The following PIK3C3 variants were observed in gnomAD, a reference collection of about 807,000 sequenced individuals.
PIK3C3 encodes the protein phosphatidylinositol 3-kinase catalytic subunit type 3, also known as PI3-kinase type 3.
Under a neutral mutation model 126.1 loss-of-function variants are expected in PIK3C3, and 95 were observed. The ratio of observed to expected loss-of-function variants is 0.75; its 90% CI spans 0.64 to 0.89. The LOEUF (loss-of-function observed/expected upper bound fraction) is 0.89, where lower values mean the gene tolerates loss of function less well. Among genes scored for constraint, PIK3C3 ranks in the 40% least tolerant of loss-of-function variants. PIK3C3 has a pLI of 0.00. For synonymous variants in PIK3C3, 374 were observed against 360.0 expected, an observed-to-expected ratio of 1.04 and a Z score of -0.44; for missense variants, 829 against 1,063.2, an observed-to-expected ratio of 0.78 and a Z score of 3.06.
intron 7 of PIK3C3, among the ~76,000 whole-genome samples, chr18:41,994,546 C>T (rs1981936278): frequency 6.6e-6 from 1 of 151,734 alleles, no homozygotes; most frequent in African/African-American, 2.4e-5. Context: ...AACCAATATA[C>T]TGGTTGAACA....
intron 24 of PIK3C3, among the ~76,000 whole-genome samples, chr18:42,070,875 AT>A (rs1192395443): frequency 6.6e-6 from 1 of 152,210 alleles, no homozygotes; most frequent in Admixed American, 6.5e-5. Flanking sequence ...GGCAAAACGA[AT>A]TGGTAAAATT....
At chr18:42,068,691 C>T (rs1280724692) in intron 24 of PIK3C3, among the ~76,000 whole-genome samples, 2 of 152,052 alleles carry the variant, frequency 1.3e-5, no homozygotes, top group Non-Finnish European at 2.9e-5. Context: ...TGGCTCACGC[C>T]TGTAATCCCA....
At chr18:42,038,892 T>TTG (rs772739230) in intron 18 of PIK3C3, 42 bp downstream of exon 18, 67 of 1,240,586 alleles carry the variant, frequency 5.4e-5, no homozygotes, top group Non-Finnish European at 7.4e-5. Context: ...TTAGTGTACA[T>TTG]TGTGTGTACT....
intron 24 of PIK3C3, among the ~76,000 whole-genome samples, chr18:42,076,129 T>TGC (rs1246174144): frequency 2.6e-4 from 21 of 81,722 alleles, no homozygotes; most frequent in African/African-American, 1.7e-3. Flanking sequence ...TATGCGCATA[T>TGC]ATATATATAT....
intron 2 of PIK3C3, among the ~76,000 whole-genome samples, chr18:41,959,897 A>C (rs1396584440): frequency 1.5e-4 from 23 of 152,226 alleles, no homozygotes; most frequent in Admixed American, 1.5e-3. Flanking sequence ...AGTTCATCAA[A>C]ACAAAAATTG....
In PIK3C3 at chr18:42,084,065, G is replaced by C. The variant is rs1370064848; in HGVS notation, c.*2928G>C. The C allele has an allele frequency of 6.6e-6, 1 of 152,162 alleles. No homozygotes were observed. The highest frequency in any genetic ancestry group is 2.4e-5 in the African/African-American group (1 of 41,430). The allele number at this position is 152,162 out of a possible 1,614,324, so 9.4% of individuals were successfully genotyped here. ...AGTCAGTAAACACATTTCTAGGAAA[G>C]GTGTTGTGTCATCATGCCACATATT... On this transcript the variant is annotated 3_prime_UTR_variant, in exon 25 of 25. Transcript: ENST00000262039.
intron 13 of PIK3C3, chr18:42,026,692 C>T (rs1266720598): frequency 1.3e-5 from 2 of 152,108 alleles, no homozygotes; most frequent in African/African-American, 4.8e-5. Flanking sequence ...CTTCCTAGGC[C>T]TCCCAAAACA....
In PIK3C3 at chr18:41,995,915, A is replaced by C; in HGVS notation, c.812A>C (p.His271Pro). Residue 271 changes from histidine to proline, a missense_variant, in exon 8 of 25, where the codon CAC (histidine) becomes CCC (proline). Coordinates refer to ENST00000262039, the MANE Select transcript of PIK3C3 (RefSeq NM_002647.4). ...GAGAATTTAGTTGAGAGCAAACACC[A>C]CAAGCTTGCCCGGAGTTTAAGAAGT... ...SMENLVESKH[H>P]KLARSLRSGP... The C allele has an allele frequency of 6.2e-7, 1 of 1,612,652 alleles. No homozygotes were observed.
chr18:42,085,594 A>G lies in PIK3C3; in HGVS notation c.*4457A>G, dbSNP rs976360039. 1.3e-5 allele frequency: 2 copies of G among 152,218 alleles called. No individual in the cohort carries two copies. Among genetic ancestry groups the G allele is most frequent in the Admixed American group, 6.5e-5 (1 of 15,282 alleles). The allele number at this position is 152,218 out of a possible 1,614,324, so 9.4% of individuals were successfully genotyped here. A position where few individuals can be genotyped will look rare whatever the true frequency, so the allele number is the denominator to read the frequency against. On this transcript the variant is annotated 3_prime_UTR_variant, in exon 25 of 25. Coordinates refer to ENST00000262039, the MANE Select transcript of PIK3C3 (RefSeq NM_002647.4). ...ACTGCATAGTGTAACTTTGGGATGAATTTAAAAGAATATTTAAGTCACAGT... is the reference window on the plus strand; with the variant it reads ...ACTGCATAGTGTAACTTTGGGATGAGTTTAAAAGAATATTTAAGTCACAGT...
At chr18:42,071,794 T>C (rs1216769473) in intron 24 of PIK3C3, among the ~76,000 whole-genome samples, 1 of 106,336 alleles carries the variant, frequency 9.4e-6, no homozygotes, top group Non-Finnish European at 1.9e-5. Context: ...GATTCAGTTC[T>C]TTTTTACCAG....
intron 22 of PIK3C3, among the ~76,000 whole-genome samples, chr18:42,061,733 G>T (rs1312889812): frequency 6.6e-6 from 1 of 152,138 alleles, no homozygotes; most frequent in Non-Finnish European, 1.5e-5. Context: ...AATACCAAAG[G>T]TAGTGACAAA....
chr18:42,022,239 G>A (rs971461930), intron 13 of PIK3C3, among the ~76,000 whole-genome samples: 1 of 151,986 alleles, frequency 6.6e-6, no homozygotes, highest in African/African-American at 2.4e-5. Flanking sequence ...TGCTGCACCC[G>A]GTAACTCATC....
At chr18:41,996,487 T>A (rs1598879917) in intron 8 of PIK3C3, 151 bp from the exon 9 acceptor site, 1 of 434,814 alleles carries the variant, frequency 2.3e-6, no homozygotes, top group East Asian at 3.5e-5. Context: ...ATAACAAATT[T>A]AAGGCCTACT....
intron 21 of PIK3C3, among the ~76,000 whole-genome samples, chr18:42,052,245 A>G (rs1166885569): frequency 6.6e-6 from 1 of 152,092 alleles, no homozygotes; most frequent in Admixed American, 6.5e-5. Context: ...TTTTTGGCCC[A>G]GGTCTCAGTT....
chr18:42,030,935 C>T (rs935288111), intron 15 of PIK3C3, among the ~76,000 whole-genome samples: 2 of 152,180 alleles, frequency 1.3e-5, no homozygotes, highest in Non-Finnish European at 2.9e-5. Context: ...CTATTTGAGA[C>T]ATCACTCAGA....
chr18:41,999,683 G>A (rs1467251538), intron 9 of PIK3C3, among the ~76,000 whole-genome samples: 1 of 152,098 alleles, frequency 6.6e-6, no homozygotes, highest in African/African-American at 2.4e-5. Context: ...AAATTAGGAA[G>A]TATAGCATAG....
intron 1 of PIK3C3, 85 bp downstream of exon 1, chr18:41,955,444 A>G (rs1979718854): frequency 8.6e-7 from 1 of 1,165,784 alleles, no homozygotes; most frequent in Non-Finnish European, 1.3e-6. Context: ...AGAGGCAGAA[A>G]GTACGTGACT....
intron 22 of PIK3C3, among the ~76,000 whole-genome samples, chr18:42,061,740 C>T (rs1229522104): frequency 6.6e-6 from 1 of 152,122 alleles, no homozygotes; most frequent in East Asian, 1.9e-4. Context: ...AAGGTAGTGA[C>T]AAATTATTCA....
chr18:42,074,716 A>T (rs1985910223), intron 24 of PIK3C3, among the ~76,000 whole-genome samples: 2 of 151,480 alleles, frequency 1.3e-5, no homozygotes, highest in African/African-American at 2.4e-5. Context: ...CTAACTTTCC[A>T]TTTTTTTTCT....
Sources: allele counts gnomAD v4.1 joint callset (sites outside exome capture counted in the v4.1 genomes callset), GRCh38; gene constraint gnomAD v4.1.1; transcripts MANE v1.5; gene names NCBI Gene and HGNC (gene_info 2026-07-23, HGNC 2026-07-21).